The following NLRP7 variants were observed in gnomAD, a reference collection of about 807,000 sequenced individuals.
NLRP7 encodes NLR family pyrin domain containing 7, also known as NACHT, LRR and PYD domains-containing protein 7.
Under a neutral mutation model 85.5 loss-of-function variants are expected in NLRP7, and 72 were observed. The observed-to-expected ratio is 0.84, with a 90% CI of 0.70 to 1.02. NLRP7 has a LOEUF of 1.02. NLRP7 is among the 50% of genes least tolerant of loss of function. The pLI, the probability that NLRP7 is intolerant of heterozygous loss-of-function variation, is 0.00. For synonymous variants in NLRP7, 550 were observed against 505.2 expected, an observed-to-expected ratio of 1.09 and a Z score of -1.19; for missense variants, 1,243 against 1,219.5, an observed-to-expected ratio of 1.02 and a Z score of -0.29.
intron 1 of NLRP7, among the ~76,000 whole-genome samples, chr19:54,946,662 C>G (rs997273697): frequency 1.3e-5 from 2 of 148,340 alleles, no homozygotes; most frequent in Admixed American, 6.7e-5. Context: ...TTTTTTGAGA[C>G]GGAGTCGCAC....
rs954971107 is a variant in NLRP7, at chr19:54,933,830, T to G, written c.2472-91A>C. 11 of 1,115,698 alleles carry G rather than the reference T, an allele frequency of 9.9e-6. No individual in the cohort carries two copies. In the African/African-American group the frequency reaches 1.7e-4, roughly 17 times the overall value. The allele number at this position is 1,115,698 out of a possible 1,614,324, so 69.1% of individuals were successfully genotyped here. A position where few individuals can be genotyped will look rare whatever the true frequency, so the allele number is the denominator to read the frequency against. On this transcript the variant is annotated intron_variant, in intron 7 of 9. Transcript: ENST00000340844. ...ATGTCCACATGCTAGGGTACTCAGC[T>G]TCAGCCCTTCCTGTTCATCCCCTGC...
At chr19:54,956,279 G>C (rs1029158639) in intron 1 of NLRP7, among the ~76,000 whole-genome samples, 18 of 152,182 alleles carry the variant, frequency 1.2e-4, no homozygotes, top group African/African-American at 4.1e-4. Flanking sequence ...TCCCCAGGTA[G>C]GGAGTGTCAG....
intron 1 of NLRP7, among the ~76,000 whole-genome samples, chr19:54,943,417 C>T (rs1193982051): frequency 2.0e-5 from 3 of 151,942 alleles, no homozygotes; most frequent in African/African-American, 4.8e-5. Flanking sequence ...CTGGCTAACA[C>T]GGTGAAACCC....
chr19:54,938,057 G>T (rs2069015525), exon 5 of NLRP7: 1 of 1,613,526 alleles, frequency 6.2e-7, no homozygotes, highest in African/African-American at 1.3e-5. Context: ...ACTTTCTGCA[G>T]ATGACAGGTG....
chr19:54,939,058 C>T, exon 4 of NLRP7: 1 of 1,614,224 alleles, frequency 6.2e-7, no homozygotes. Context: ...ACGGGGCCAC[C>T]ACCACCTTCG....
intron 9 of NLRP7, among the ~76,000 whole-genome samples, chr19:54,927,197 T>A (rs975029402): frequency 2.0e-5 from 3 of 151,870 alleles, no homozygotes; most frequent in Non-Finnish European, 2.9e-5. Flanking sequence ...AAGACTAGCC[T>A]GGCCAACATG....
chr19:54,953,715 C>T (rs1271252690), intron 1 of NLRP7, among the ~76,000 whole-genome samples: 7 of 151,716 alleles, frequency 4.6e-5, no homozygotes, highest in Non-Finnish European at 8.8e-5. Context: ...ATAAAGAATC[C>T]AGCCAGGCCG....
upstream of NLRP7, among the ~76,000 whole-genome samples, chr19:54,952,440 A>G (rs1410271005): frequency 6.6e-6 from 1 of 151,918 alleles, no homozygotes; most frequent in Non-Finnish European, 1.5e-5. Flanking sequence ...TAAAAACACA[A>G]AAAATTAGTC....
rs906023069 is a variant in NLRP7 at position 54,934,939 on chromosome 19, C to T, written c.2301-280G>A. Among the ~76,000 whole-genome samples, 1 of 152,104 alleles carries T rather than the reference C, an allele frequency of 6.6e-6. No homozygotes were observed. Among genetic ancestry groups the T allele is most frequent in the Non-Finnish European group, 1.5e-5 (1 of 68,010 alleles). ...CTTGAACTCCTGACCTCAGGTGATCCACCCACCTTGGCCTACCGAAGTACT... is the reference window on the plus strand; with the variant it reads ...CTTGAACTCCTGACCTCAGGTGATCTACCCACCTTGGCCTACCGAAGTACT... On this transcript the variant is annotated intron_variant, in intron 6 of 9. Transcript: ENST00000340844. This position sits in a 1 kb window ranked among gnomAD's most constrained non-coding sequence, Gnocchi z 6.7.
chr19:54,961,320 G>A (rs768888208), intron 1 of NLRP7, among the ~76,000 whole-genome samples: 44 of 151,934 alleles, frequency 2.9e-4, no homozygotes, highest in Non-Finnish European at 5.7e-4. Context: ...AGACCAGCCC[G>A]GCCAAGGTGG....
exon 4 of NLRP7, chr19:54,939,124 C>T (rs2069082190): frequency 1.2e-6 from 2 of 1,614,236 alleles, no homozygotes; most frequent in Non-Finnish European, 1.7e-6. Context: ...TCAGGTCGGT[C>T]ACGGATAAGG....
intron 7 of NLRP7, 39 bp from the exon 8 acceptor site, chr19:54,933,778 A>G (rs923432132): frequency 1.9e-6 from 3 of 1,581,006 alleles, no homozygotes; most frequent in Non-Finnish European, 2.6e-6. Flanking sequence ...GGATGAGAAC[A>G]TTTCCACAAC....
chr19:54,934,373 A>G lies in NLRP7; in HGVS notation c.2471+116T>C, dbSNP rs1448238104. On this transcript the variant is annotated intron_variant, in intron 7 of 9. Transcript: ENST00000340844. The surrounding 1 kb of genome is among the most constrained non-coding windows in gnomAD (Gnocchi z 6.7). Reference sequence around the variant, plus strand: ...GGAGCCACCGTGCCGGGCCTGAAGCAGGTGTTTATTTCAGCAAGAGGCGCC... The same window carrying G: ...GGAGCCACCGTGCCGGGCCTGAAGCGGGTGTTTATTTCAGCAAGAGGCGCC... The G allele has an allele frequency of 2.0e-6, 2 of 1,002,862 alleles. No individual in the cohort carries two copies. The highest frequency in any genetic ancestry group is 2.4e-5 in the East Asian group (1 of 42,168). 62.1% of individuals were successfully genotyped at this position (1,002,862 alleles called of 1,614,324 possible). A position where few individuals can be genotyped will look rare whatever the true frequency, so the allele number is the denominator to read the frequency against.
intron 9 of NLRP7, among the ~76,000 whole-genome samples, chr19:54,930,257 C>T (rs2068620447): frequency 1.3e-5 from 2 of 151,776 alleles, no homozygotes; most frequent in African/African-American, 4.8e-5. Context: ...CCTTGAGCAC[C>T]AGAATTCAAA....
chr19:54,934,366 C>T lies in NLRP7; in HGVS notation c.2471+123G>A. ...ACAGGCAGGAGCCACCGTGCCGGGC[C>T]TGAAGCAGGTGTTTATTTCAGCAAG... On this transcript the variant is annotated intron_variant, in intron 7 of 9. Coordinates refer to ENST00000340844, the Ensembl canonical transcript of NLRP7. This position sits in a 1 kb window ranked among gnomAD's most constrained non-coding sequence, Gnocchi z 6.7. The T allele has an allele frequency of 1.0e-6, 1 of 978,958 alleles. No homozygotes were observed. Among genetic ancestry groups the T allele is most frequent in the Non-Finnish European group, 1.7e-6 (1 of 601,596 alleles). 60.6% of individuals were successfully genotyped at this position (978,958 alleles called of 1,614,324 possible). A position where few individuals can be genotyped will look rare whatever the true frequency, so the allele number is the denominator to read the frequency against.
intron 1 of NLRP7, among the ~76,000 whole-genome samples, chr19:54,959,929 A>G (rs1205233565): frequency 6.6e-6 from 1 of 151,858 alleles, no homozygotes; most frequent in Non-Finnish European, 1.5e-5. Flanking sequence ...GAAGCAGGCA[A>G]TGTACACAGA....
Position 54,959,175 on chromosome 19 carries a change from G to T in NLRP7, c.-77+6865C>A, listed in dbSNP as rs149960687. Among the ~76,000 whole-genome samples the T allele has an allele frequency of 3.0e-3, 423 of 142,210 alleles. 3 individuals carry two copies. The highest frequency in any genetic ancestry group is 0.011 in the Middle Eastern group (3 of 264). 93.3% of individuals were successfully genotyped at this position (142,210 alleles called of 152,430 possible). Reference sequence around the variant, plus strand: ...TTTTTTTGAGACAGAGTCTTGCTCTGTCGCTAAGGCTGGAGTGCAGTGGCA... The same window carrying T: ...TTTTTTTGAGACAGAGTCTTGCTCTTTCGCTAAGGCTGGAGTGCAGTGGCA... On this transcript the variant is annotated intron_variant, in intron 1 of 2. Transcript: ENST00000587103.
upstream of NLRP7, among the ~76,000 whole-genome samples, chr19:54,948,403 T>A (rs2069563034): frequency 6.6e-6 from 1 of 151,610 alleles, no homozygotes; most frequent in African/African-American, 2.4e-5. Flanking sequence ...ACAAAAAAAT[T>A]AGCCATACAT....
In NLRP7 at chr19:54,963,321, C is replaced by G. The variant is rs576695212; in HGVS notation, c.-77+2719G>C. ...TTGTGCCACTGCACACCAGCCTAGG[C>G]GACAGAGTGAGACCCTGTCTCAAAA... On this transcript the variant is annotated intron_variant, in intron 1 of 2. Coordinates refer to the NLRP7 transcript ENST00000587103. Among the ~76,000 whole-genome samples the G allele has an allele frequency of 3.9e-5, 6 of 152,018 alleles. No homozygotes were observed. In the South Asian group the frequency reaches 1.2e-3, roughly 32 times the overall value.
Sources: gnomAD v4.1 joint callset for allele counts (sites outside exome capture counted in the v4.1 genomes callset) on GRCh38, gnomAD v4.1.1 for gene constraint, Gnocchi (gnomAD v3.1) non-coding constraint, MANE v1.5 for transcripts, NCBI Gene and HGNC (gene_info 2026-07-23, HGNC 2026-07-21) for gene names.